LEMD3: variants seen among roughly 807,000 people sequenced by gnomAD.
The protein encoded by LEMD3 is inner nuclear membrane protein Man1.
Under a neutral mutation model 95.2 loss-of-function variants are expected in LEMD3, and 33 were observed. That is an observed-to-expected ratio of 0.35 (90% confidence interval 0.26 to 0.46). The LOEUF is 0.46. Ranked by LOEUF, LEMD3 falls within the 20% of genes least tolerant of loss-of-function variation. LEMD3 has a pLI of 1.00. For missense variants in LEMD3, 1,210 were observed against 1,192.8 expected, an observed-to-expected ratio of 1.01 and a Z score of -0.21; for synonymous variants, 525 against 474.6, an observed-to-expected ratio of 1.11 and a Z score of -1.38.
intron 4 of LEMD3, among the ~76,000 whole-genome samples, chr12:65,234,278 C>T (rs781252327): frequency 3.0e-4 from 45 of 152,184 alleles, no homozygotes; most frequent in Non-Finnish European, 4.9e-4. Flanking sequence ...AAAGTGTTTA[C>T]TCTCTGGCCC....
intron 2 of LEMD3, among the ~76,000 whole-genome samples, chr12:65,212,278 A>T (rs1017420964): frequency 2.0e-5 from 3 of 152,166 alleles, no homozygotes; most frequent in Non-Finnish European, 4.4e-5. Flanking sequence ...GATTATTACA[A>T]TTCAAGGTAA....
chr12:65,221,761 G>C (rs1418015802), intron 4 of LEMD3, among the ~76,000 whole-genome samples: 1 of 129,532 alleles, frequency 7.7e-6, no homozygotes, highest in Non-Finnish European at 1.6e-5. Flanking sequence ...TTTTCCTTGA[G>C]ACAGAGTCTC....
chr12:65,180,100 A>G (rs899015059), intron 1 of LEMD3, among the ~76,000 whole-genome samples: 5 of 151,926 alleles, frequency 3.3e-5, no homozygotes, highest in Admixed American at 2.0e-4. Flanking sequence ...ACATGGCACC[A>G]CGCCCGGCTA....
At chr12:65,175,717 C>G (rs1448850152) in intron 1 of LEMD3, among the ~76,000 whole-genome samples, 1 of 152,186 alleles carries the variant, frequency 6.6e-6, no homozygotes, top group East Asian at 1.9e-4. Context: ...CATTCACTCT[C>G]CTTGTCATTA....
At chr12:65,216,070 T>A (rs774289020) in intron 3 of LEMD3, 27 bp downstream of exon 3, 10 of 1,450,552 alleles carry the variant, frequency 6.9e-6, no homozygotes, top group Non-Finnish European at 8.7e-6. Context: ...TTATAGTTGC[T>A]AAAAATGTTT....
Position 65,246,247 on chromosome 12 carries a change from GCCATCAAATAAACATATGAACT to G in LEMD3, c.2663_2684del (p.Ser888CysfsTer10), listed in dbSNP as rs1871101299. 6.2e-7 allele frequency: 1 copy of G among 1,612,802 alleles called. No individual in the cohort carries two copies. The highest frequency in any genetic ancestry group is 1.3e-5 in the African/African-American group (1 of 74,842). Reference sequence around the variant, plus strand: ...CTCTCACTTCCAACACTCCATTGAAGCCATCAAATAAACATATGAACTCCATGTCTCATCTTCGTCTTCGGAC... The same window carrying G: ...CTCTCACTTCCAACACTCCATTGAAGCCATGTCTCATCTTCGTCTTCGGAC... On this transcript the variant is annotated frameshift_variant, in exon 13 of 13. Coordinates refer to ENST00000308330, the MANE Select transcript of LEMD3 (RefSeq NM_014319.5). LOFTEE classifies it high-confidence loss of function.
chr12:65,194,809 T>TAATTATACTTTAGATTATAACTTATA (rs1869361406), intron 1 of LEMD3, among the ~76,000 whole-genome samples: 1 of 60,488 alleles, frequency 1.7e-5, no homozygotes, highest in Non-Finnish European at 3.2e-5. Context: ...ACTATTATCT[T>TAATTATACTTTAGATTATAACTTATA]AATTATACTT....
intron 4 of LEMD3, among the ~76,000 whole-genome samples, chr12:65,234,831 T>G (rs1462547686): frequency 2.6e-5 from 4 of 152,198 alleles, no homozygotes; most frequent in Non-Finnish European, 5.9e-5. Flanking sequence ...TTTAAGGATA[T>G]TTGATGAGAA....
intron 1 of LEMD3, among the ~76,000 whole-genome samples, chr12:65,209,364 T>C (rs962176820): frequency 1.3e-5 from 2 of 152,164 alleles, no homozygotes; most frequent in African/African-American, 4.8e-5. Context: ...TGCACACTTA[T>C]ATTTTTAAGA....
chr12:65,183,620 G>C (rs759064806), intron 1 of LEMD3, among the ~76,000 whole-genome samples: 54 of 152,164 alleles, frequency 3.5e-4, no homozygotes, highest in Non-Finnish European at 6.6e-4. Flanking sequence ...AGTCTGTAGA[G>C]GAGCAGGATT....
chr12:65,243,142 T>A (rs760318819), intron 9 of LEMD3, among the ~76,000 whole-genome samples: 1 of 151,882 alleles, frequency 6.6e-6, no homozygotes, highest in Non-Finnish European at 1.5e-5. Flanking sequence ...AAGCTTTTTG[T>A]ACTTTTTTTT....
intron 4 of LEMD3, among the ~76,000 whole-genome samples, chr12:65,237,887 C>T (rs549298490): frequency 2.7e-4 from 41 of 152,212 alleles, no homozygotes; most frequent in Admixed American, 2.5e-3. Flanking sequence ...GAAGAGTTTG[C>T]CATTTATTTG....
In LEMD3 at chr12:65,245,727, GATA is replaced by G. The variant is rs1871085677; in HGVS notation, c.2449_2451del (p.Asn817del). 5 of 1,613,916 alleles carry G rather than the reference GATA, an allele frequency of 3.1e-6. No homozygotes were observed. The highest frequency in any genetic ancestry group is 1.1e-5 in the South Asian group (1 of 91,084). ...AGAAGCAATTTTAGAAAAATGCAGTGATAATGATGGCATTGTTCACATTGCAGT... is the reference window on the plus strand; with the variant it reads ...AGAAGCAATTTTAGAAAAATGCAGTGATGATGGCATTGTTCACATTGCAGT... On this transcript the variant is annotated inframe_deletion, in exon 11 of 13. Transcript: ENST00000308330.
intron 2 of LEMD3, 91 bp downstream of exon 2, chr12:65,211,054 TAA>T (rs1008615650): frequency 3.1e-5 from 30 of 973,998 alleles, no homozygotes; most frequent in Non-Finnish European, 4.6e-5. Context: ...AAAGTAATTT[TAA>T]AGTTATTTTA....
At chr12:65,238,448 C>T in intron 4 of LEMD3, 54 bp from the exon 5 acceptor site, 2 of 1,089,032 alleles carry the variant, frequency 1.8e-6, no homozygotes, top group Non-Finnish European at 2.8e-6. Context: ...GGATACTTTA[C>T]AGAGAGTCGA....
intron 4 of LEMD3, among the ~76,000 whole-genome samples, chr12:65,236,892 A>G (rs929902861): frequency 2.6e-5 from 4 of 152,138 alleles, no homozygotes; most frequent in Non-Finnish European, 1.5e-5. Context: ...GAACAGTAGT[A>G]TGTGTAATAT....
intron 1 of LEMD3, among the ~76,000 whole-genome samples, chr12:65,188,249 C>T (rs548402274): frequency 6.6e-6 from 1 of 152,110 alleles, no homozygotes; most frequent in South Asian, 2.1e-4. Context: ...TAAAATCATA[C>T]TGCAGGGTTG....
intron 2 of LEMD3, among the ~76,000 whole-genome samples, chr12:65,215,389 G>C (rs192618940): frequency 2.0e-4 from 31 of 152,140 alleles, no homozygotes; most frequent in African/African-American, 7.2e-4. Context: ...TTTTGCCCTT[G>C]AGTACAGGAA....
intron 1 of LEMD3, among the ~76,000 whole-genome samples, chr12:65,204,166 T>C (rs1869691756): frequency 6.6e-6 from 1 of 152,148 alleles, no homozygotes; most frequent in African/African-American, 2.4e-5. Flanking sequence ...AACTCACTTT[T>C]TTTTTTCATT....
Sources: gnomAD v4.1 joint callset for allele counts (sites outside exome capture counted in the v4.1 genomes callset) on GRCh38, gnomAD v4.1.1 for gene constraint, MANE v1.5 for transcripts, NCBI Gene and HGNC (gene_info 2026-07-23, HGNC 2026-07-21) for gene names.